Variants in ADAMTS2 observed in about 807,000 individuals in gnomAD.
ADAMTS2 encodes the protein A disintegrin and metalloproteinase with thrombospondin motifs 2.
In ADAMTS2, 50 loss-of-function variants were observed where a neutral mutation model predicts 123.0. The observed-to-expected ratio is 0.41, with a 90% confidence interval of 0.32 to 0.51. The LOEUF is 0.51. Ranked by LOEUF, ADAMTS2 falls within the 20% of genes least tolerant of loss-of-function variation. ADAMTS2 has a pLI of 0.35. For synonymous variants in ADAMTS2, 678 were observed against 695.4 expected, an observed-to-expected ratio of 0.98 and a Z score of 0.39; for missense variants, 1,494 against 1,705.2, an observed-to-expected ratio of 0.88 and a Z score of 2.18.
intron 2 of ADAMTS2, among the ~76,000 whole-genome samples, chr5:179,337,019 G>A (rs1227279732): frequency 6.6e-6 from 1 of 152,234 alleles, no homozygotes; most frequent in Non-Finnish European, 1.5e-5. Flanking sequence ...GTCGTGCAGT[G>A]TAATTGAAAT....
In ADAMTS2 at chr5:179,113,077, G is replaced by C. The variant is rs1762597117; in HGVS notation, c.*790C>G. The C allele has an allele frequency of 6.6e-6, 1 of 152,604 alleles. No homozygotes were observed. The highest frequency in any genetic ancestry group is 1.5e-5 in the Non-Finnish European group (1 of 68,360). The allele number at this position is 152,604 out of a possible 1,614,324, so 9.5% of individuals were successfully genotyped here. On this transcript the variant is annotated 3_prime_UTR_variant, in exon 22 of 22. Transcript: ENST00000251582. ...TACAGCATGAGCACCAAGAAGGTCA[G>C]AAGGCCTTTAGTTCTTAATTAGCAA...
chr5:179,143,163 A>G (rs931395118), intron 10 of ADAMTS2, among the ~76,000 whole-genome samples: 2 of 152,222 alleles, frequency 1.3e-5, no homozygotes, highest in African/African-American at 4.8e-5. Flanking sequence ...GCTGAGTGCA[A>G]TGGCTCACAC....
In ADAMTS2 at chr5:179,132,381, A is replaced by T; in HGVS notation, c.2210-71T>A. On this transcript the variant is annotated intron_variant, in intron 14 of 21. Transcript: ENST00000251582. This position sits in a 1 kb window ranked among gnomAD's most constrained non-coding sequence, Gnocchi z 6.1. ...CCGCTCAAATTCGCACCATGCAAGG[A>T]GGGGCCTCGCTCTTGAAGGCAGCTC... 1 of 1,455,684 alleles carries T rather than the reference A, an allele frequency of 6.9e-7. No homozygotes were observed. Among genetic ancestry groups the T allele is most frequent in the Non-Finnish European group, 9.6e-7 (1 of 1,044,520 alleles). The allele number at this position is 1,455,684 out of a possible 1,614,324, so 90.2% of individuals were successfully genotyped here. A position where few individuals can be genotyped will look rare whatever the true frequency, so the allele number is the denominator to read the frequency against.
intron 21 of ADAMTS2, among the ~76,000 whole-genome samples, chr5:179,119,417 A>T (rs1762716618): frequency 6.6e-6 from 1 of 151,588 alleles, no homozygotes; most frequent in Admixed American, 6.6e-5. Flanking sequence ...CCCTGGTGGG[A>T]CTCCTCAGTG....
At chr5:179,200,169 G>A (rs1251285766) in intron 4 of ADAMTS2, among the ~76,000 whole-genome samples, 1 of 151,984 alleles carries the variant, frequency 6.6e-6, no homozygotes, top group African/African-American at 2.4e-5. Context: ...CAGATATTGA[G>A]GGGAAATAAG....
intron 5 of ADAMTS2, among the ~76,000 whole-genome samples, chr5:179,165,273 T>C (rs1296816678): frequency 6.6e-6 from 1 of 152,210 alleles, no homozygotes; most frequent in Non-Finnish European, 1.5e-5. Flanking sequence ...GCCCTTGCTA[T>C]GTATCAAGCC....
At chr5:179,271,519 C>T (rs1473956420) in intron 3 of ADAMTS2, among the ~76,000 whole-genome samples, 1 of 152,072 alleles carries the variant, frequency 6.6e-6, no homozygotes, top group Non-Finnish European at 1.5e-5. Context: ...AGCACTCGCT[C>T]AGCCCCTTCC....
chr5:179,224,470 C>G (rs1765227061), intron 3 of ADAMTS2, among the ~76,000 whole-genome samples: 1 of 152,206 alleles, frequency 6.6e-6, no homozygotes. Flanking sequence ...GAGAAACGGT[C>G]TGCATTTCCA....
At chr5:179,204,185 T>G (rs1256070959) in intron 4 of ADAMTS2, among the ~76,000 whole-genome samples, 1 of 151,524 alleles carries the variant, frequency 6.6e-6, no homozygotes, top group Non-Finnish European at 1.5e-5. Context: ...GTGCCAGGAG[T>G]CGGGGGGAGG....
chr5:179,148,146 C>T (rs1022867672), intron 10 of ADAMTS2, among the ~76,000 whole-genome samples: 4 of 152,036 alleles, frequency 2.6e-5, no homozygotes, highest in Non-Finnish European at 1.5e-5. Flanking sequence ...CTCAGGGTCA[C>T]CTTCCCCCAG....
At chr5:179,309,757 CAAAAAAAAAAAAAA>C (rs34487269) in intron 2 of ADAMTS2, among the ~76,000 whole-genome samples, 6 of 44,448 alleles carry the variant, frequency 1.3e-4, no homozygotes, top group Non-Finnish European at 2.6e-4. Flanking sequence ...ACTCAGTCTC[CAAAAAAAAAAAAAA>C]AAAAAAAAAA....
chr5:179,287,197 C>A (rs775483141), intron 2 of ADAMTS2, among the ~76,000 whole-genome samples: 8 of 152,188 alleles, frequency 5.3e-5, no homozygotes, highest in Admixed American at 1.3e-4. Context: ...GCCAGGATCA[C>A]TCCCCAGGGG....
rs1762760416 is a variant in ADAMTS2, at chr5:179,121,478, A to C, written c.3178+183T>G. Reference sequence around the variant, plus strand: ...AGCAGAGGCCCGAGCCCCCGCCAGCAGGCAGCGCGGCCCGGAGCGGACGCC... The same window carrying C: ...AGCAGAGGCCCGAGCCCCCGCCAGCCGGCAGCGCGGCCCGGAGCGGACGCC... On this transcript the variant is annotated intron_variant, in intron 21 of 21. Transcript: ENST00000251582. 4 of 477,162 alleles carry C rather than the reference A, an allele frequency of 8.4e-6. No homozygotes were observed. In the East Asian group the frequency reaches 9.7e-5, roughly 12 times the overall value. The allele number at this position is 477,162 out of a possible 1,614,324, so 29.6% of individuals were successfully genotyped here.
chr5:179,119,341 T>C (rs1762715556), intron 21 of ADAMTS2, among the ~76,000 whole-genome samples: 1 of 152,198 alleles, frequency 6.6e-6, no homozygotes, highest in Non-Finnish European at 1.5e-5. Context: ...GCCCAAGGCC[T>C]GTCCCCATGA....
At chr5:179,302,092 T>G in intron 2 of ADAMTS2, among the ~76,000 whole-genome samples, 1 of 151,324 alleles carries the variant, frequency 6.6e-6, no homozygotes. Flanking sequence ...GGAAGGGGAG[T>G]GTAGAGTGAG....
chr5:179,311,840 G>A (rs1465314211), intron 2 of ADAMTS2, among the ~76,000 whole-genome samples: 1 of 152,212 alleles, frequency 6.6e-6, no homozygotes, highest in Non-Finnish European at 1.5e-5. Context: ...GACTGCAAGA[G>A]CCCACTCTAG....
chr5:179,222,398 C>A (rs912752552), intron 3 of ADAMTS2, among the ~76,000 whole-genome samples: 1 of 152,172 alleles, frequency 6.6e-6, no homozygotes, highest in Admixed American at 6.5e-5. Flanking sequence ...CCTCCCCAAC[C>A]GGGGCAGGTG....
At chr5:179,299,428 C>T (rs1445570070) in intron 2 of ADAMTS2, among the ~76,000 whole-genome samples, 1 of 124,592 alleles carries the variant, frequency 8.0e-6, no homozygotes, top group Non-Finnish European at 1.7e-5. Flanking sequence ...ACTTGGGAGG[C>T]TGAGGCAGGA....
Position 179,150,357 on chromosome 5 carries a change from A to C in ADAMTS2, c.1629+1785T>G, listed in dbSNP as rs557866099. 7.9e-5 allele frequency among the ~76,000 whole-genome samples: 12 copies of C among 152,334 alleles called. No individual in the cohort carries two copies. The South Asian group carries it at 2.5e-3, about 32-fold the overall frequency. On this transcript the variant is annotated intron_variant, in intron 10 of 21. Coordinates refer to ENST00000251582, the MANE Select transcript of ADAMTS2 (RefSeq NM_014244.5). Reference sequence around the variant, plus strand: ...GGAATAGCTGGGTGGTTCTGGCCTCACTGGGCCCCCAGCAACTTACCAACA... The same window carrying C: ...GGAATAGCTGGGTGGTTCTGGCCTCCCTGGGCCCCCAGCAACTTACCAACA...
Sources: gnomAD v4.1 joint callset for allele counts (sites outside exome capture counted in the v4.1 genomes callset) on GRCh38, gnomAD v4.1.1 for gene constraint, Gnocchi (gnomAD v3.1) non-coding constraint, MANE v1.5 for transcripts, NCBI Gene and HGNC (gene_info 2026-07-23, HGNC 2026-07-21) for gene names.